Variants in PARD3 observed in about 807,000 individuals in gnomAD.
The protein encoded by PARD3 is par-3 family cell polarity regulator, also known as partitioning defective 3 homolog.
In PARD3, 75 loss-of-function variants were observed where a neutral mutation model predicts 155.4. The observed-to-expected ratio is 0.48, with a 90% CI of 0.40 to 0.58. The LOEUF is 0.58. PARD3 is among the 20% of genes least tolerant of loss of function. PARD3 has a pLI of 0.00. For synonymous variants in PARD3, 576 were observed against 610.5 expected (o/e 0.94, Z 0.83); for missense variants, 1,642 against 1,721.7 (o/e 0.95, Z 0.82).
At chr10:34,462,510 T>C (rs1228931410) in intron 4 of PARD3, among the ~76,000 whole-genome samples, 1 of 152,156 alleles carries the variant, frequency 6.6e-6, no homozygotes, top group African/African-American at 2.4e-5. Context: ...ACAGTTGGCC[T>C]TGTAAATTAG....
chr10:34,471,162 G>A (rs1411580571), intron 3 of PARD3, among the ~76,000 whole-genome samples: 1 of 152,160 alleles, frequency 6.6e-6, no homozygotes, highest in African/African-American at 2.4e-5. Context: ...AAAGTAATAT[G>A]TTAATCTGCA....
At chr10:34,413,180 C>CACACATAT (rs775445941) in intron 5 of PARD3, among the ~76,000 whole-genome samples, 3 of 145,282 alleles carry the variant, frequency 2.1e-5, no homozygotes, top group South Asian at 2.3e-4. Flanking sequence ...CACACACACA[C>CACACATAT]ATATATATAA....
chr10:34,494,583 G>C (rs938898097), intron 3 of PARD3, among the ~76,000 whole-genome samples: 1 of 152,032 alleles, frequency 6.6e-6, no homozygotes, highest in Non-Finnish European at 1.5e-5. Flanking sequence ...AAACTTTCTT[G>C]ATAACATAGC....
chr10:34,727,468 G>A (rs1388316845), intron 1 of PARD3, among the ~76,000 whole-genome samples: 1 of 152,166 alleles, frequency 6.6e-6, no homozygotes, highest in East Asian at 1.9e-4. Flanking sequence ...CTTCCAGACT[G>A]CTGACACCTG....
intron 20 of PARD3, among the ~76,000 whole-genome samples, chr10:34,306,186 A>G (rs966378358): frequency 1.4e-5 from 2 of 146,232 alleles, no homozygotes; most frequent in Non-Finnish European, 3.0e-5. Context: ...TGGGAGGCTG[A>G]GGGAAAACTG....
At position 34,205,539 on chromosome 10, in the gene PARD3, G is replaced by T. The variant is rs626385; in HGVS notation, c.3419+64118C>A. Among the ~76,000 whole-genome samples the T allele has an allele frequency of 3.3e-5, 5 of 152,038 alleles. No individual in the cohort carries two copies. The South Asian group carries it at 1.0e-3, about 32-fold the overall frequency. On this transcript the variant is annotated intron_variant, in intron 22 of 24. Transcript: ENST00000374788. ...ACAAACCTTAATCCTGTATGAGTGC[G>T]GTAAGGTGTCAGATGCAATGGCAAG... is the stretch of plus-strand genomic sequence containing the variant.
chr10:34,637,691 C>G (rs1395335403), intron 2 of PARD3, among the ~76,000 whole-genome samples: 1 of 152,166 alleles, frequency 6.6e-6, no homozygotes, highest in African/African-American at 2.4e-5. Flanking sequence ...GGTACAGCAG[C>G]CCTAAAGAAG....
intron 2 of PARD3, among the ~76,000 whole-genome samples, chr10:34,571,445 T>C (rs1473061849): frequency 6.6e-6 from 1 of 152,226 alleles, no homozygotes; most frequent in Admixed American, 6.5e-5. Context: ...GCAGCTAACA[T>C]TGACATGCAT....
intron 2 of PARD3, among the ~76,000 whole-genome samples, chr10:34,593,563 T>C (rs951304007): frequency 1.3e-5 from 2 of 152,200 alleles, no homozygotes; most frequent in Non-Finnish European, 2.9e-5. Flanking sequence ...CATTCAAACC[T>C]ATAAATCAGT....
intron 22 of PARD3, among the ~76,000 whole-genome samples, chr10:34,224,219 C>T (rs921523666): frequency 2.0e-5 from 3 of 152,146 alleles, no homozygotes; most frequent in Admixed American, 6.5e-5. Context: ...ACAGTTAAGA[C>T]GATCAATATC....
intron 7 of PARD3, among the ~76,000 whole-genome samples, chr10:34,394,300 A>C (rs1331665825): frequency 6.6e-6 from 1 of 152,132 alleles, no homozygotes; most frequent in African/African-American, 2.4e-5. Context: ...GTCTGGGATT[A>C]CAGGCATGAG....
At chr10:34,704,799 C>T (rs1040530030) in intron 1 of PARD3, among the ~76,000 whole-genome samples, 9 of 152,154 alleles carry the variant, frequency 5.9e-5, no homozygotes, top group African/African-American at 1.9e-4. Context: ...ATAACCATGG[C>T]ACACAGTTTA....
chr10:34,658,561 T>C (rs1267293204), intron 2 of PARD3, among the ~76,000 whole-genome samples: 1 of 151,924 alleles, frequency 6.6e-6, no homozygotes, highest in East Asian at 1.9e-4. Flanking sequence ...ATGAGGAGCT[T>C]AGCAGAAGGA....
rs934457823 is a variant in PARD3 at position 34,111,581 on chromosome 10, A to G, written c.3669-19T>C. 4.5e-5 allele frequency: 71 copies of G among 1,577,200 alleles called. No homozygotes were observed. In the East Asian group the frequency reaches 1.6e-3, roughly 35 times the overall value. Reference sequence around the variant, plus strand: ...GCTTTGCCTAGAAAGCAAAACCCAAAGGTTAGTGTGAGGGTAGGAAGAAGG... The same window carrying G: ...GCTTTGCCTAGAAAGCAAAACCCAAGGGTTAGTGTGAGGGTAGGAAGAAGG... On this transcript the variant is annotated intron_variant, in intron 24 of 24. Coordinates refer to ENST00000374788, the MANE Select transcript of PARD3 (RefSeq NM_001184785.2).
chr10:34,114,659 A>G (rs1157874875), intron 24 of PARD3, among the ~76,000 whole-genome samples: 6 of 152,216 alleles, frequency 3.9e-5, no homozygotes, highest in South Asian at 2.1e-4. Flanking sequence ...ATTGTTTTTT[A>G]AAGTTAGCTT....
rs1253056865 is a variant in PARD3 at position 34,382,623 on chromosome 10, G to C, written c.1316C>G (p.Pro439Arg). The stretch of plus-strand genomic sequence containing the variant: ...TACAGTCGTACTAAATACATTCTGA[G>C]GTGCCGAGGCTGGAGCGGATGGTGG... The part of the protein sequence containing the change: ...GKPPSAPASA[P>R]QNVFSTTVSS... The change falls in exon 9 of 25, where the codon CCT becomes CGT. Residue 439 changes from proline to arginine, a missense_variant. Around this residue, in one of 3 missense-constraint regions of PARD3, gnomAD observed 1,529 missense variants for 1,587.3 expected, o/e 0.96. Transcript: ENST00000374788. 1 of 1,614,096 alleles carries C rather than the reference G, an allele frequency of 6.2e-7. No individual in the cohort carries two copies. The highest frequency in any genetic ancestry group is 8.5e-7 in the Non-Finnish European group (1 of 1,180,030).
intron 1 of PARD3, among the ~76,000 whole-genome samples, chr10:34,754,084 T>C (rs1184904076): frequency 6.6e-6 from 1 of 152,146 alleles, no homozygotes; most frequent in Non-Finnish European, 1.5e-5. Flanking sequence ...GATGCAGTCA[T>C]AGCTCACTGC....
chr10:34,310,276 T>G (rs769207690), intron 20 of PARD3, among the ~76,000 whole-genome samples: 2 of 152,212 alleles, frequency 1.3e-5, no homozygotes, highest in Non-Finnish European at 2.9e-5. Context: ...GTCTTCTAAG[T>G]GCATTTTTCA....
intron 22 of PARD3, among the ~76,000 whole-genome samples, chr10:34,227,819 A>AAT (rs1298907711): frequency 2.1e-4 from 28 of 130,752 alleles, no homozygotes; most frequent in East Asian, 4.1e-4. Context: ...CATTACTGGG[A>AAT]ATATATATAT....
Sources: allele counts gnomAD v4.1 joint callset (sites outside exome capture counted in the v4.1 genomes callset), GRCh38; gene constraint gnomAD v4.1.1; regional missense constraint gnomAD v4.1.1; transcripts MANE v1.5; gene names NCBI Gene and HGNC (gene_info 2026-07-23, HGNC 2026-07-21).